MTMR6: variants seen among roughly 807,000 people sequenced by gnomAD.
MTMR6 encodes the protein myotubularin related protein 6.
In MTMR6, 47 loss-of-function variants were observed where a neutral mutation model predicts 80.1. The ratio of observed to expected loss-of-function variants is 0.59; its 90% CI spans 0.46 to 0.75. The LOEUF is 0.75. Ranked by LOEUF, MTMR6 falls within the 30% of genes least tolerant of loss-of-function variation. MTMR6 has a pLI of 0.00. For synonymous variants in MTMR6, 254 were observed against 253.0 expected (o/e 1.00, Z -0.04); for missense variants, 629 against 730.9 (o/e 0.86, Z 1.61).
At chr13:25,273,834 C>A (rs1412166284) in intron 2 of MTMR6, among the ~76,000 whole-genome samples, 2 of 152,040 alleles carry the variant, frequency 1.3e-5, no homozygotes, top group African/African-American at 4.8e-5. Flanking sequence ...CTAGGAACAA[C>A]AGGTATTTCA....
chr13:25,258,533 T>C, intron 7 of MTMR6, 27 bp downstream of exon 7: 1 of 1,559,516 alleles, frequency 6.4e-7, no homozygotes, highest in East Asian at 2.4e-5. Context: ...TGGACAAGGG[T>C]GTCTAAAAAA....
At chr13:25,253,725 T>C (rs773022654) in intron 11 of MTMR6, 39 bp downstream of exon 11, 1 of 1,559,720 alleles carries the variant, frequency 6.4e-7, no homozygotes, top group South Asian at 1.1e-5. Context: ...CTCGGCTAAG[T>C]AGGGGGAAAA....
chr13:25,281,632 G>A (rs766121276), intron 1 of MTMR6, among the ~76,000 whole-genome samples: 5 of 152,100 alleles, frequency 3.3e-5, no homozygotes, highest in Non-Finnish European at 7.4e-5. Flanking sequence ...AGACGCTGTG[G>A]CTACTGAAGC....
chr13:25,286,555 C>T (rs1274486504), intron 1 of MTMR6, among the ~76,000 whole-genome samples: 3 of 152,198 alleles, frequency 2.0e-5, no homozygotes, highest in Non-Finnish European at 4.4e-5. Context: ...GTCTTCCACA[C>T]ACAAAAATTA....
At chr13:25,275,203 C>T (rs914772715) in intron 1 of MTMR6, among the ~76,000 whole-genome samples, 7 of 150,778 alleles carry the variant, frequency 4.6e-5, no homozygotes, top group African/African-American at 1.7e-4. Flanking sequence ...AACACGGGTG[C>T]ATCACCTAAG....
At chr13:25,261,868 A>G in intron 5 of MTMR6, 66 bp from the exon 6 acceptor site, 1 of 1,439,768 alleles carries the variant, frequency 6.9e-7, no homozygotes, top group East Asian at 2.5e-5. Context: ...AGATGCTTAC[A>G]AGAAAAAAAA....
In MTMR6 at chr13:25,249,359, T is replaced by C. The variant is rs1191590525; in HGVS notation, c.1739A>G (p.Asp580Gly). ...GCTGCCCTCTATAGTTCGAAGAGCA[T>C]CATTTACGGGTAGCAGAGTCTGCTC... Reference protein sequence around the residue: ...FKEQTLLPVNDALRTIEGSSP... With the variant: ...FKEQTLLPVNGALRTIEGSSP... The change falls in exon 14 of 14, where the codon GAT becomes GGT. Residue 580 changes from aspartate to glycine, a missense_variant. Asp to Gly is a moderately conservative substitution (Grantham distance 94, BLOSUM62 -1). Transcript: ENST00000381801. 1 of 1,614,162 alleles carries C rather than the reference T, an allele frequency of 6.2e-7. No individual in the cohort carries two copies. Among genetic ancestry groups the C allele is most frequent in the Non-Finnish European group, 8.5e-7 (1 of 1,179,998 alleles).
At chr13:25,255,238 C>T (rs1027648738) in intron 9 of MTMR6, among the ~76,000 whole-genome samples, 1 of 152,232 alleles carries the variant, frequency 6.6e-6, no homozygotes, top group Non-Finnish European at 1.5e-5. Context: ...AGGATGTAGT[C>T]GCTGGAGCTC....
At chr13:25,282,610 T>TC (rs1184488174) in intron 1 of MTMR6, among the ~76,000 whole-genome samples, 1 of 140,372 alleles carries the variant, frequency 7.1e-6, no homozygotes, top group African/African-American at 2.9e-5. Flanking sequence ...TTTTCTTTTT[T>TC]CTTTTTTTTT....
chr13:25,254,372 A>G lies in MTMR6; in HGVS notation c.1145+13T>C. ...AATTTTATAAAATATATGACTGTGT[A>G]ACTGTGACTCACCTCTCTGAAAATT... is the stretch of plus-strand genomic sequence containing the variant. On this transcript the variant is annotated intron_variant, in intron 10 of 13. Coordinates refer to ENST00000381801, the MANE Select transcript of MTMR6 (RefSeq NM_004685.5). 6.5e-7 allele frequency: 1 copy of G among 1,549,902 alleles called. No homozygotes were observed. Among genetic ancestry groups the G allele is most frequent in the Non-Finnish European group, 8.9e-7 (1 of 1,123,610 alleles).
intron 3 of MTMR6, among the ~76,000 whole-genome samples, chr13:25,267,546 C>G (rs143202073): frequency 2.5e-4 from 38 of 152,290 alleles, no homozygotes; most frequent in African/African-American, 8.2e-4. Context: ...TTGTAAGTCT[C>G]TACTATAAAT....
intron 9 of MTMR6, among the ~76,000 whole-genome samples, chr13:25,255,025 C>T (rs1040874062): frequency 1.3e-5 from 2 of 152,212 alleles, no homozygotes; most frequent in Admixed American, 6.5e-5. Flanking sequence ...AGCTTCTCTA[C>T]TTACCCACTC....
At position 25,267,723 on chromosome 13, in the gene MTMR6, T is replaced by C. The variant is rs2137575298; in HGVS notation, c.304+56A>G. On this transcript the variant is annotated intron_variant, in intron 3 of 13. Coordinates refer to ENST00000381801, the MANE Select transcript of MTMR6 (RefSeq NM_004685.5). Reference sequence around the variant, plus strand: ...CAATAATAAAACATTAAATAAAGTATCTTAGATAACCCATCTCAAATTGAG... The same window carrying C: ...CAATAATAAAACATTAAATAAAGTACCTTAGATAACCCATCTCAAATTGAG... 2.0e-6 allele frequency: 3 copies of C among 1,509,410 alleles called. No homozygotes were observed. The South Asian group carries it at 3.7e-5, about 19-fold the overall frequency. The allele number at this position is 1,509,410 out of a possible 1,614,324, so 93.5% of individuals were successfully genotyped here.
intron 1 of MTMR6, among the ~76,000 whole-genome samples, chr13:25,286,455 G>T (rs989847012): frequency 1.3e-5 from 2 of 152,148 alleles, no homozygotes; most frequent in African/African-American, 4.8e-5. Flanking sequence ...AATGTCGTTG[G>T]AAACGTAATT....
Position 25,267,801 on chromosome 13 carries a change from A to T in MTMR6, c.282T>A (p.Ser94=). 1.2e-6 allele frequency: 2 copies of T among 1,613,616 alleles called. No individual in the cohort carries two copies. The highest frequency in any genetic ancestry group is 2.2e-5 in the South Asian group (2 of 90,876). Residue 94 remains serine (S), a synonymous_variant, in exon 3 of 14, where the codon TCT becomes TCA. Transcript: ENST00000381801. ...TACCTTGTTTTGACAGTTGTAGCAA[A>T]GAGTTGTAAATATCATGGCAATCTC... ...RERDCHDIYN[S]LLQLSKQAKY...
At position 25,261,676 on chromosome 13, in the gene MTMR6, T is replaced by G. The variant is rs772529046; in HGVS notation, c.718A>C (p.Arg240=). 1.3e-5 allele frequency: 21 copies of G among 1,609,504 alleles called. No homozygotes were observed. In the African/African-American group the frequency reaches 2.7e-4, roughly 20 times the overall value. Residue 240 remains arginine, a synonymous_variant, in exon 6 of 14, where the codon AGG becomes CGG. Coordinates refer to ENST00000381801, the MANE Select transcript of MTMR6 (RefSeq NM_004685.5). ...GTATTTAAAATACATACTTTTGGCC[T>G]GGTATCCATGACGTACATATAGCGA... ...VNRYMYVMDT[R]PKLNAMANRA... is the part of the protein sequence containing the mutation.
chr13:25,267,680 C>CA (rs777519824), intron 3 of MTMR6, 99 bp downstream of exon 3: 11 of 1,261,064 alleles, frequency 8.7e-6, no homozygotes, highest in South Asian at 1.6e-5. Flanking sequence ...ACTGTCAGAG[C>CA]AAAAAAGGAT....
intron 1 of MTMR6, among the ~76,000 whole-genome samples, chr13:25,276,223 A>G (rs1391923055): frequency 1.3e-5 from 2 of 152,156 alleles, no homozygotes; most frequent in African/African-American, 4.8e-5. Context: ...ATCATTTCCT[A>G]AGCTATTAAA....
chr13:25,280,383 A>T (rs539951915), intron 1 of MTMR6, among the ~76,000 whole-genome samples: 1 of 152,230 alleles, frequency 6.6e-6, no homozygotes, highest in East Asian at 1.9e-4. Context: ...TATTTACACT[A>T]AAGTTCTCAA....
Sources: allele counts gnomAD v4.1 joint callset (sites outside exome capture counted in the v4.1 genomes callset), GRCh38; gene constraint gnomAD v4.1.1; transcripts MANE v1.5; gene names NCBI Gene and HGNC (gene_info 2026-07-23, HGNC 2026-07-21).